ELP2: variants seen among roughly 807,000 people sequenced by gnomAD.
The protein encoded by ELP2 is elongator acetyltransferase complex subunit 2, also known as elongator complex protein 2.
ELP2 carries 90 observed loss-of-function variants against 119.2 expected under a neutral mutation model. The observed-to-expected ratio is 0.75, with a 90% CI of 0.64 to 0.90. The LOEUF (loss-of-function observed/expected upper bound fraction) is 0.90. Ranked by LOEUF, ELP2 falls within the 40% of genes least tolerant of loss-of-function variation. The pLI, the probability that ELP2 is intolerant of heterozygous loss-of-function variation, is 0.00. For missense variants in ELP2, 921 were observed against 967.8 expected, an observed-to-expected ratio of 0.95 and a Z score of 0.64; for synonymous variants, 339 against 331.0, an observed-to-expected ratio of 1.02 and a Z score of -0.26.
At chr18:36,136,255 A>G in intron 2 of ELP2, 52 bp from the exon 3 acceptor site, 1 of 1,430,146 alleles carries the variant, frequency 7.0e-7, no homozygotes, top group South Asian at 1.1e-5. Flanking sequence ...AAATTTTTAA[A>G]AATTGCAGAA....
Position 36,176,360 on chromosome 18 carries a change from C to T in ELP2, c.*1719C>T, listed in dbSNP as rs558042394. Reference sequence around the variant, plus strand: ...ACCTCAAAGACCAAAATGCCCTGCCCATTTTCCTGCTTATCAGCTGAGGAA... The same window carrying T: ...ACCTCAAAGACCAAAATGCCCTGCCTATTTTCCTGCTTATCAGCTGAGGAA... On this transcript the variant is annotated 3_prime_UTR_variant, in exon 22 of 22. Coordinates refer to ENST00000358232, the MANE Select transcript of ELP2 (RefSeq NM_018255.4). 6.6e-6 allele frequency: 1 copy of T among 152,318 alleles called. No individual in the cohort carries two copies. Among genetic ancestry groups the T allele is most frequent in the East Asian group, 1.9e-4 (1 of 5,178 alleles). The allele number at this position is 152,318 out of a possible 1,614,324, so 9.4% of individuals were successfully genotyped here.
chr18:36,133,649 G>A (rs1363412060), intron 2 of ELP2, among the ~76,000 whole-genome samples: 2 of 151,700 alleles, frequency 1.3e-5, no homozygotes, highest in Non-Finnish European at 2.9e-5. Flanking sequence ...TAGAGACTTG[G>A]TTTCTTGGTC....
Position 36,141,109 on chromosome 18 carries a change from C to G in ELP2, c.524-28C>G, listed in dbSNP as rs370906070. The G allele has an allele frequency of 1.4e-4, 218 of 1,590,736 alleles. 9 individuals carry two copies. Among genetic ancestry groups the G allele is most frequent in the East Asian group, 1.1e-3 (51 of 44,704 alleles). The stretch of plus-strand genomic sequence containing the variant: ...ATAACGTGGTGGAATAGAGAACTCA[C>G]AGTGAAGCCTGTTTTTTCTTCCCCC... On this transcript the variant is annotated intron_variant, in intron 5 of 21. Coordinates refer to ENST00000358232, the MANE Select transcript of ELP2 (RefSeq NM_018255.4).
intron 19 of ELP2, 64 bp from the exon 20 acceptor site, chr18:36,169,999 T>C: frequency 6.2e-7 from 1 of 1,604,428 alleles, no homozygotes; most frequent in East Asian, 2.2e-5. Context: ...CCGATGAAAC[T>C]GTAGTACATG....
intron 2 of ELP2, among the ~76,000 whole-genome samples, chr18:36,133,758 G>T: frequency 6.7e-6 from 1 of 149,528 alleles, no homozygotes. Flanking sequence ...CCAACTAGTT[G>T]GAGACTAGAA....
Position 36,146,539 on chromosome 18 carries a change from T to G in ELP2, c.1125+158T>G, listed in dbSNP as rs556525186. On this transcript the variant is annotated intron_variant, in intron 11 of 21. Transcript: ENST00000358232. The stretch of plus-strand genomic sequence containing the variant: ...GTAGACATTGTTAAGGTATTGAAAT[T>G]TGCATGTAGGTAAATTTGCTACGTA... 5.3e-5 allele frequency among the ~76,000 whole-genome samples: 8 copies of G among 152,338 alleles called. No homozygotes were observed. The East Asian group carries it at 1.5e-3, about 29-fold the overall frequency.
chr18:36,166,416 C>G (rs372009061), intron 18 of ELP2, among the ~76,000 whole-genome samples: 1 of 147,544 alleles, frequency 6.8e-6, no homozygotes, highest in African/African-American at 2.5e-5. Flanking sequence ...CTGCAGCCTC[C>G]GCCTCCTGGG....
At chr18:36,168,413 A>G (rs1259098420) in intron 19 of ELP2, among the ~76,000 whole-genome samples, 1 of 152,200 alleles carries the variant, frequency 6.6e-6, no homozygotes, top group African/African-American at 2.4e-5. Flanking sequence ...GGTAATTTAT[A>G]AAGGAAAGAG....
intron 11 of ELP2, 138 bp downstream of exon 11, chr18:36,146,519 CATT>C: frequency 1.1e-6 from 1 of 908,590 alleles, no homozygotes; most frequent in African/African-American, 1.7e-5. Context: ...TTTCTGTAGA[CATT>C]GTTAAGGTAT....
rs374867372 is a variant in ELP2, at chr18:36,164,459, C to A, written c.1762-16C>A. 7.5e-6 allele frequency: 12 copies of A among 1,610,334 alleles called. No individual in the cohort carries two copies. The South Asian group carries it at 1.2e-4, about 16-fold the overall frequency. ...TTTTTACTTACTAGCTTCATTGTTT[C>A]ATCTCTGTCCTATAGGCAGCTAAGA... On this transcript the variant is annotated splice_polypyrimidine_tract_variant and intron_variant, in intron 17 of 21. Coordinates refer to ENST00000358232, the MANE Select transcript of ELP2 (RefSeq NM_018255.4).
At position 36,145,801 on chromosome 18, in the gene ELP2, A is replaced by C. The variant is rs552206769; in HGVS notation, c.893-147A>C. The stretch of plus-strand genomic sequence containing the variant: ...CATTTATCTCTTCTTCTAATGGTAG[A>C]CATTTGTGGTGTTTGCAATTTTTTG... On this transcript the variant is annotated intron_variant, in intron 9 of 21. Transcript: ENST00000358232. The C allele has an allele frequency of 3.0e-5, 22 of 740,030 alleles. No homozygotes were observed. In the African/African-American group the frequency reaches 3.3e-4, roughly 11 times the overall value. The allele number at this position is 740,030 out of a possible 1,614,324, so 45.8% of individuals were successfully genotyped here. A position where few individuals can be genotyped will look rare whatever the true frequency, so the allele number is the denominator to read the frequency against.
intron 5 of ELP2, among the ~76,000 whole-genome samples, chr18:36,140,601 C>T (rs1205554771): frequency 2.6e-5 from 4 of 152,180 alleles, no homozygotes; most frequent in African/African-American, 7.2e-5. Flanking sequence ...CCCACCTCAG[C>T]CTCCCAAAGG....
intron 8 of ELP2, 98 bp downstream of exon 8, chr18:36,143,064 C>G: frequency 1.2e-6 from 1 of 826,758 alleles, no homozygotes; most frequent in Non-Finnish European, 1.9e-6. Context: ...TAGTTTTTCA[C>G]AATTGTCAGA....
In ELP2 at chr18:36,129,931, G is replaced by T; in HGVS notation, c.-3G>T. On this transcript the variant is annotated 5_prime_UTR_variant, in exon 1 of 22. Transcript: ENST00000358232. ...TTGTTTGTGCGGCTGACCAGTTGGC[G>T]ACATGGTGGCACCCGTGCTGGAGAC... 3.1e-6 allele frequency: 5 copies of T among 1,614,218 alleles called. No individual in the cohort carries two copies. Among genetic ancestry groups the T allele is most frequent in the Non-Finnish European group, 4.2e-6 (5 of 1,180,026 alleles).
chr18:36,146,312 T>G lies in ELP2; in HGVS notation c.1056T>G (p.Asp352Glu), dbSNP rs2090198780. Reference protein sequence around the residue: ...LGFYDCQFNEDGSMIIAHAFH... With the variant: ...LGFYDCQFNEEGSMIIAHAFH... ...TTTATGATTGCCAGTTCAATGAAGA[T>G]GGCTCCATGATCATTGCTCATGCTT... Residue 352 changes from aspartate to glutamate, a missense_variant, in exon 11 of 22, where the codon GAT becomes GAG. Asp to Glu is a conservative substitution (Grantham distance 45). Coordinates refer to ENST00000358232, the MANE Select transcript of ELP2 (RefSeq NM_018255.4). 2 of 1,614,118 alleles carry G rather than the reference T, an allele frequency of 1.2e-6. No homozygotes were observed. The highest frequency in any genetic ancestry group is 1.1e-5 in the South Asian group (1 of 91,090).
rs1172847945 is a variant in ELP2, at chr18:36,180,356, C to A, written c.*5715C>A. 6 of 152,200 alleles carry A rather than the reference C, an allele frequency of 3.9e-5. No homozygotes were observed. Among genetic ancestry groups the A allele is most frequent in the Non-Finnish European group, 7.3e-5 (5 of 68,038 alleles). 9.4% of individuals were successfully genotyped at this position (152,200 alleles called of 1,614,324 possible). ...GGAAATTAAATCTTTATTGCAGATG[C>A]CCATGTGCTCAGCAGAGAACTGGGG... is the stretch of plus-strand genomic sequence containing the variant. On this transcript the variant is annotated 3_prime_UTR_variant, in exon 22 of 22. Transcript: ENST00000358232.
chr18:36,147,636 A>G (rs2090250614), intron 11 of ELP2, among the ~76,000 whole-genome samples: 1 of 137,380 alleles, frequency 7.3e-6, no homozygotes, highest in African/African-American at 2.8e-5. Flanking sequence ...CTGGTCTCGA[A>G]CTCCTGACCT....
rs559047414 is a variant in ELP2, at chr18:36,177,563, G to A, written c.*2922G>A. 4 of 152,300 alleles carry A rather than the reference G, an allele frequency of 2.6e-5. No individual in the cohort carries two copies. The highest frequency in any genetic ancestry group is 9.6e-5 in the African/African-American group (4 of 41,558). 9.4% of individuals were successfully genotyped at this position (152,300 alleles called of 1,614,324 possible). A position where few individuals can be genotyped will look rare whatever the true frequency, so the allele number is the denominator to read the frequency against. The stretch of plus-strand genomic sequence containing the variant: ...TCAGTTTTGCAAGATAAAAAGTCCT[G>A]TGGATTGGTTGCACAGTTAAGTTAT... On this transcript the variant is annotated 3_prime_UTR_variant, in exon 22 of 22. Coordinates refer to ENST00000358232, the MANE Select transcript of ELP2 (RefSeq NM_018255.4).
At chr18:36,149,391 G>A (rs2090313559) in intron 11 of ELP2, among the ~76,000 whole-genome samples, 1 of 152,014 alleles carries the variant, frequency 6.6e-6, no homozygotes, top group African/African-American at 2.4e-5. Flanking sequence ...TTTGCTAGAT[G>A]GGGTGAAGGT....
Sources: gnomAD v4.1 joint callset for allele counts (sites outside exome capture counted in the v4.1 genomes callset) on GRCh38, gnomAD v4.1.1 for gene constraint, MANE v1.5 for transcripts, NCBI Gene and HGNC (gene_info 2026-07-23, HGNC 2026-07-21) for gene names.